KMT2C: variants seen among roughly 807,000 people sequenced by gnomAD.
KMT2C encodes the protein lysine methyltransferase 2C.
KMT2C carries 88 observed loss-of-function variants against 507.9 expected under a neutral mutation model. That is an observed-to-expected ratio of 0.17 (90% CI 0.15 to 0.21). KMT2C has a LOEUF of 0.21. Ranked by LOEUF, KMT2C falls within the 10% of genes least tolerant of loss-of-function variation. The pLI is 1.00. For missense variants in KMT2C, 4,954 were observed against 5,957.8 expected, an observed-to-expected ratio of 0.83 and a Z score of 5.55; for synonymous variants, 2,049 against 2,080.8, an observed-to-expected ratio of 0.98 and a Z score of 0.42.
intron 6 of KMT2C, among the ~76,000 whole-genome samples, chr7:152,303,518 C>T (rs1477596891): frequency 6.6e-6 from 1 of 152,186 alleles, no homozygotes; most frequent in Non-Finnish European, 1.5e-5. Context: ...TCTTGTGTTC[C>T]AGATACTTTG....
At chr7:152,202,254 G>A (rs964554410) in intron 26 of KMT2C, among the ~76,000 whole-genome samples, 11 of 152,122 alleles carry the variant, frequency 7.2e-5, no homozygotes, top group Admixed American at 2.0e-4. Context: ...TGAATAACAC[G>A]CTTAGGAATT....
chr7:152,371,813 C>CAT (rs1477492428), intron 1 of KMT2C, among the ~76,000 whole-genome samples: 1 of 151,968 alleles, frequency 6.6e-6, no homozygotes, highest in Non-Finnish European at 1.5e-5. Flanking sequence ...GGAATTTCAC[C>CAT]ATATTGGCCA....
intron 46 of KMT2C, chr7:152,155,068 C>G (rs1038622555): frequency 6.6e-6 from 1 of 152,156 alleles, no homozygotes; most frequent in Non-Finnish European, 1.5e-5. Context: ...TTTGAGTCTA[C>G]CAGGCCAATT....
intron 6 of KMT2C, among the ~76,000 whole-genome samples, chr7:152,298,366 G>A (rs1354365673): frequency 6.6e-6 from 1 of 152,122 alleles, no homozygotes; most frequent in Non-Finnish European, 1.5e-5. Context: ...TAATCAAATT[G>A]TTCAAAATCA....
chr7:152,360,063 A>T (rs2097183349), intron 1 of KMT2C, among the ~76,000 whole-genome samples: 1 of 46,544 alleles, frequency 2.1e-5, no homozygotes, highest in Non-Finnish European at 3.5e-5. Context: ...ACAAACAAAA[A>T]AAAGGGGGGT....
chr7:152,350,444 T>G (rs931146264), intron 2 of KMT2C, among the ~76,000 whole-genome samples: 4 of 152,200 alleles, frequency 2.6e-5, no homozygotes, highest in African/African-American at 9.7e-5. Context: ...CTAGATGGTA[T>G]AGCCTACTAA....
At chr7:152,391,679 G>A (rs895337122) in intron 1 of KMT2C, among the ~76,000 whole-genome samples, 1 of 151,884 alleles carries the variant, frequency 6.6e-6, no homozygotes, top group Non-Finnish European at 1.5e-5. Context: ...TGGGATTACA[G>A]GCACACACCA....
intron 10 of KMT2C, among the ~76,000 whole-genome samples, chr7:152,252,344 G>A (rs1325480962): frequency 6.6e-6 from 1 of 152,114 alleles, no homozygotes; most frequent in African/African-American, 2.4e-5. Flanking sequence ...CATTTCTGAT[G>A]TGGTCTGGTC....
intron 1 of KMT2C, among the ~76,000 whole-genome samples, chr7:152,399,059 G>A (rs1386992560): frequency 6.6e-6 from 1 of 151,886 alleles, no homozygotes; most frequent in African/African-American, 2.4e-5. Flanking sequence ...CAACTCCTGA[G>A]CTCAAGCGAT....
intron 3 of KMT2C, among the ~76,000 whole-genome samples, chr7:152,320,373 C>T (rs1024242524): frequency 2.5e-4 from 38 of 152,070 alleles, no homozygotes; most frequent in African/African-American, 8.9e-4. Flanking sequence ...CTCAGCCTCC[C>T]GAGTAGCTGG....
chr7:152,309,249 A>G (rs1297506223), intron 6 of KMT2C, among the ~76,000 whole-genome samples: 1 of 151,858 alleles, frequency 6.6e-6, no homozygotes, highest in Non-Finnish European at 1.5e-5. Flanking sequence ...AATGTAAACT[A>G]CTTATTTTAA....
chr7:152,212,531 G>A (rs567100826), intron 23 of KMT2C, among the ~76,000 whole-genome samples: 3 of 152,038 alleles, frequency 2.0e-5, no homozygotes, highest in African/African-American at 7.2e-5. Flanking sequence ...AAATTCCACA[G>A]TTACTAGAAT....
chr7:152,367,458 T>C, intron 1 of KMT2C: 1 of 761,096 alleles, frequency 1.3e-6, no homozygotes. Context: ...GCTCAAACAA[T>C]CTACCCACCT....
intron 55 of KMT2C, among the ~76,000 whole-genome samples, chr7:152,141,355 A>T (rs2090514261): frequency 6.6e-6 from 1 of 151,792 alleles, no homozygotes; most frequent in Non-Finnish European, 1.5e-5. Context: ...GCATGTATGA[A>T]AATCTAACGT....
In KMT2C at chr7:152,358,397, A is replaced by G. The variant is rs148397150; in HGVS notation, c.250+190T>C. On this transcript the variant is annotated intron_variant, in intron 2 of 58. Coordinates refer to ENST00000262189, the MANE Select transcript of KMT2C (RefSeq NM_170606.3). ...ATTATACTAAACCAGGGCTTAGGGA[A>G]AAAAGAGAGATAGAGGGCTCAGTTT... Among the ~76,000 whole-genome samples, 4 of 152,312 alleles carry G rather than the reference A, an allele frequency of 2.6e-5. No homozygotes were observed. The East Asian group carries it at 7.7e-4, about 29-fold the overall frequency.
intron 1 of KMT2C, among the ~76,000 whole-genome samples, chr7:152,388,488 G>A (rs2097454658): frequency 1.3e-5 from 2 of 152,070 alleles, no homozygotes; most frequent in African/African-American, 4.8e-5. Context: ...GAACCCGGGA[G>A]GCGGAGGTTG....
chr7:152,399,913 G>A (rs539811146), intron 1 of KMT2C, among the ~76,000 whole-genome samples: 2 of 151,370 alleles, frequency 1.3e-5, no homozygotes, highest in South Asian at 4.2e-4. Flanking sequence ...GAGATGGCCA[G>A]ACCAAAAAAA....
rs1054403277 is a variant in KMT2C at position 152,151,111 on chromosome 7, C to A, written c.12667-104G>T. ...GTTATATTCAAAAGTGACAGTGGTT[C>A]TTTATCTTAATAGTAGAAAGGAAAC... On this transcript the variant is annotated intron_variant, in intron 50 of 58. Transcript: ENST00000262189. 3 of 707,226 alleles carry A rather than the reference C, an allele frequency of 4.2e-6. No individual in the cohort carries two copies. In the African/African-American group the frequency reaches 5.5e-5, roughly 13 times the overall value. The allele number at this position is 707,226 out of a possible 1,614,324, so 43.8% of individuals were successfully genotyped here. A position where few individuals can be genotyped will look rare whatever the true frequency, so the allele number is the denominator to read the frequency against.
intron 27 of KMT2C, among the ~76,000 whole-genome samples, chr7:152,197,965 A>G (rs567737188): frequency 2.6e-5 from 4 of 152,092 alleles, no homozygotes; most frequent in African/African-American, 4.8e-5. Context: ...TATCTTTCCT[A>G]TATGTTCTCT....
Sources: gnomAD v4.1 joint callset for allele counts (sites outside exome capture counted in the v4.1 genomes callset) on GRCh38, gnomAD v4.1.1 for gene constraint, MANE v1.5 for transcripts, NCBI Gene and HGNC (gene_info 2026-07-23, HGNC 2026-07-21) for gene names.